Variants in DCDC2C observed in about 807,000 individuals in gnomAD.
DCDC2C encodes doublecortin domain-containing protein 2C.
DCDC2C carries 44 observed loss-of-function variants against 45.0 expected under a neutral mutation model. The observed-to-expected ratio is 0.98, with a 90% confidence interval of 0.77 to 1.26. The LOEUF is 1.26. Ranked by LOEUF, DCDC2C falls within the 50% of genes most tolerant of loss-of-function variation. The probability of loss-of-function intolerance (pLI) is 0.00; values close to 1 mark genes in which losing one functional copy is unlikely to be tolerated. For synonymous variants in DCDC2C, 187 were observed against 178.8 expected (o/e 1.05, Z -0.37); for missense variants, 447 against 468.9 (o/e 0.95, Z 0.43).
chr2:3,845,552 A>AC (rs1672305830), intron 10 of DCDC2C, among the ~76,000 whole-genome samples: 1 of 152,206 alleles, frequency 6.6e-6, no homozygotes, highest in African/African-American at 2.4e-5. Flanking sequence ...ATTTGTTGTT[A>AC]GACTTGACTA....
chr2:3,736,855 C>G (rs1669046848), intron 3 of DCDC2C, among the ~76,000 whole-genome samples: 1 of 152,112 alleles, frequency 6.6e-6, no homozygotes. Context: ...TAGAAAAACA[C>G]AATAATAACT....
chr2:3,776,361 C>T (rs998234430), intron 8 of DCDC2C, among the ~76,000 whole-genome samples: 3 of 152,162 alleles, frequency 2.0e-5, no homozygotes, highest in Non-Finnish European at 4.4e-5. Flanking sequence ...TCCATCTTCT[C>T]CCCTCTTCTT....
chr2:3,841,743 C>T (rs910062477), intron 10 of DCDC2C, among the ~76,000 whole-genome samples: 4 of 145,212 alleles, frequency 2.8e-5, no homozygotes, highest in Non-Finnish European at 4.6e-5. Context: ...GGCAGGTCTT[C>T]CTGTGGGATT....
chr2:3,845,587 G>A (rs1245564583), intron 10 of DCDC2C, among the ~76,000 whole-genome samples: 1 of 152,218 alleles, frequency 6.6e-6, no homozygotes, highest in African/African-American at 2.4e-5. Context: ...CTTTAAGGGG[G>A]ACATTTGTAA....
At position 3,767,734 on chromosome 2, in the gene DCDC2C, C is replaced by T; in HGVS notation, c.727-20C>T. The stretch of plus-strand genomic sequence containing the variant: ...TCCCACTGTTCTTAATGGACTTTCT[C>T]TTCTTCATTTGTCCTGTAGGTGGAC... On this transcript the variant is annotated intron_variant, in intron 6 of 10. Transcript: ENST00000399143. 6.5e-7 allele frequency: 1 copy of T among 1,550,068 alleles called. No homozygotes were observed. Among genetic ancestry groups the T allele is most frequent in the Non-Finnish European group, 8.7e-7 (1 of 1,146,682 alleles).
chr2:3,783,937 G>A (rs112742426), intron 9 of DCDC2C, among the ~76,000 whole-genome samples: 3,117 of 152,234 alleles, frequency 0.02, 100 homozygotes, highest in African/African-American at 0.071. Context: ...GAAAATATTT[G>A]CAATACAAAT....
chr2:3,703,647 G>A lies in DCDC2C; in HGVS notation c.-105G>A. The A allele has an allele frequency of 1.8e-6, 2 of 1,096,716 alleles. No individual in the cohort carries two copies. Among genetic ancestry groups the A allele is most frequent in the South Asian group, 4.6e-5 (1 of 21,864 alleles). The allele number at this position is 1,096,716 out of a possible 1,614,324, so 67.9% of individuals were successfully genotyped here. A position where few individuals can be genotyped will look rare whatever the true frequency, so the allele number is the denominator to read the frequency against. On this transcript the variant is annotated 5_prime_UTR_variant, in exon 1 of 11. Transcript: ENST00000399143. This position sits in a 1 kb window ranked among gnomAD's most constrained non-coding sequence, Gnocchi z 4.4. ...CCCGTCCTGCGCCAGCGGCTGGAGC[G>A]GACCTCCCGTCGGCGGTGCCCGGGC...
intron 4 of DCDC2C, 71 bp from the exon 5 acceptor site, chr2:3,752,692 G>A (rs189016253): frequency 1.7e-5 from 25 of 1,510,578 alleles, no homozygotes; most frequent in Admixed American, 3.9e-5. Flanking sequence ...CATAGTGTAT[G>A]CACAAATACC....
At chr2:3,846,200 C>T (rs748796915) in intron 10 of DCDC2C, among the ~76,000 whole-genome samples, 1 of 151,690 alleles carries the variant, frequency 6.6e-6, no homozygotes, top group African/African-American at 2.4e-5. Context: ...TTCTTCCCCA[C>T]CCCCGTCCTC....
At chr2:3,807,822 T>C (rs951508625) in intron 10 of DCDC2C, among the ~76,000 whole-genome samples, 1 of 152,184 alleles carries the variant, frequency 6.6e-6, no homozygotes, top group African/African-American at 2.4e-5. Flanking sequence ...AGGCTGGAAT[T>C]ATGGAGCATA....
rs958775598 is a variant in DCDC2C, at chr2:3,708,612, C to A, written c.339+12C>A. 2.6e-6 allele frequency: 4 copies of A among 1,542,790 alleles called. 1 individual carries two copies. Among genetic ancestry groups the A allele is most frequent in the Non-Finnish European group, 3.5e-6 (4 of 1,141,392 alleles). Reference sequence around the variant, plus strand: ...GGAAGTTGAAGGAAGTAAGTGTTTGCTTCTAACAACTAATAATGGAATAAA... The same window carrying A: ...GGAAGTTGAAGGAAGTAAGTGTTTGATTCTAACAACTAATAATGGAATAAA... On this transcript the variant is annotated intron_variant, in intron 2 of 10. Coordinates refer to ENST00000399143, the MANE Select transcript of DCDC2C (RefSeq NM_001287444.2).
chr2:3,730,980 G>A (rs573146060), intron 3 of DCDC2C, among the ~76,000 whole-genome samples: 28 of 152,260 alleles, frequency 1.8e-4, no homozygotes, highest in Admixed American at 4.6e-4. Context: ...GGACTGACTC[G>A]TGCACGAACA....
intron 2 of DCDC2C, among the ~76,000 whole-genome samples, chr2:3,720,178 A>G (rs1035669132): frequency 2.6e-5 from 4 of 152,232 alleles, no homozygotes; most frequent in African/African-American, 9.6e-5. Context: ...AGGCAAATGG[A>G]TGCCTTAGAA....
intron 10 of DCDC2C, among the ~76,000 whole-genome samples, chr2:3,843,861 C>T (rs1672269151): frequency 6.6e-6 from 1 of 152,148 alleles, no homozygotes; most frequent in African/African-American, 2.4e-5. Context: ...GGTACCTCAT[C>T]ATATTTTATG....
intron 2 of DCDC2C, among the ~76,000 whole-genome samples, chr2:3,709,444 C>T (rs569292641): frequency 2.5e-4 from 38 of 152,352 alleles, no homozygotes; most frequent in African/African-American, 6.7e-4. Flanking sequence ...ATGCAGGACA[C>T]GCCAGCAGCC....
rs557713658 is a variant in DCDC2C, at chr2:3,719,416, G to T, written c.340-7587G>T. Among the ~76,000 whole-genome samples the T allele has an allele frequency of 1.2e-4, 18 of 152,240 alleles. 1 individual carries two copies. The East Asian group carries it at 3.5e-3, about 29-fold the overall frequency. On this transcript the variant is annotated intron_variant, in intron 2 of 10. Coordinates refer to ENST00000399143, the MANE Select transcript of DCDC2C (RefSeq NM_001287444.2). ...TTTCATTTTCCAGGGGCTCTTTCCC[G>T]CTGCCTCCCAAGCCTCTGGCTGTCC... is the stretch of plus-strand genomic sequence containing the variant.
intron 2 of DCDC2C, among the ~76,000 whole-genome samples, chr2:3,721,534 A>C (rs999035620): frequency 6.6e-6 from 1 of 152,126 alleles, no homozygotes; most frequent in Non-Finnish European, 1.5e-5. Context: ...AGAGGTGGAG[A>C]GAACAGAGAC....
rs1469770211 is a variant in DCDC2C, at chr2:3,780,204, G to T, written c.1023+1320G>T. ...TGACAGTGCAGACATTTGTCTTAGA[G>T]CATTAGGCTAAGAGGGGCAAACAAG... On this transcript the variant is annotated intron_variant, in intron 9 of 10. Coordinates refer to ENST00000399143, the MANE Select transcript of DCDC2C (RefSeq NM_001287444.2). Among the ~76,000 whole-genome samples the T allele has an allele frequency of 2.0e-5, 3 of 152,134 alleles. No individual in the cohort carries two copies. In the East Asian group the frequency reaches 5.8e-4, roughly 29 times the overall value.
intron 10 of DCDC2C, among the ~76,000 whole-genome samples, chr2:3,798,993 C>T (rs1461339467): frequency 1.3e-5 from 2 of 152,244 alleles, no homozygotes; most frequent in African/African-American, 2.4e-5. Flanking sequence ...TTCTCCCCAT[C>T]ACTTTCAGGT....
Sources: gnomAD v4.1 joint callset for allele counts (sites outside exome capture counted in the v4.1 genomes callset) on GRCh38, gnomAD v4.1.1 for gene constraint, Gnocchi (gnomAD v3.1) non-coding constraint, MANE v1.5 for transcripts, NCBI Gene and HGNC (gene_info 2026-07-23, HGNC 2026-07-21) for gene names.